Variants in CKM observed in about 807,000 individuals in gnomAD.
The protein encoded by CKM is creatine kinase M-type.
In CKM, 28 loss-of-function variants were observed where a neutral mutation model predicts 35.4. The observed-to-expected ratio is 0.79, with a 90% confidence interval of 0.59 to 1.08. The LOEUF (loss-of-function observed/expected upper bound fraction) is 1.08. Among genes scored for constraint, CKM ranks in the 50% least tolerant of loss-of-function variants. The pLI, the probability that CKM is intolerant of heterozygous loss-of-function variation, is 0.00. For missense variants in CKM, 484 were observed against 509.8 expected, an observed-to-expected ratio of 0.95 and a Z score of 0.49; for synonymous variants, 215 against 204.4, an observed-to-expected ratio of 1.05 and a Z score of -0.44.
chr19:45,318,886 G>A (rs1178165686), intron 2 of CKM, among the ~76,000 whole-genome samples: 1 of 150,222 alleles, frequency 6.7e-6, no homozygotes, highest in Non-Finnish European at 1.5e-5. Context: ...TTTGAGACAG[G>A]GTCTCACTCT....
At chr19:45,318,713 CAGGGGCCAGGAGAG>C (rs1197239918) in intron 2 of CKM, among the ~76,000 whole-genome samples, 1 of 152,092 alleles carries the variant, frequency 6.6e-6, no homozygotes, top group Non-Finnish European at 1.5e-5. Flanking sequence ...AGTGGAAAAA[CAGGGGCCAGGAGAG>C]AGGGGCTTCT....
At chr19:45,312,597 T>G (rs957605200) in intron 4 of CKM, among the ~76,000 whole-genome samples, 6 of 151,848 alleles carry the variant, frequency 4.0e-5, no homozygotes, top group African/African-American at 1.5e-4. Flanking sequence ...TAATTTTGTA[T>G]TTTTAGTAGA....
In CKM at chr19:45,317,882, G is replaced by A. The variant is rs749842509; in HGVS notation, c.291C>T (p.His97=). The change falls in exon 3 of 8, where the codon CAC becomes CAT. Residue 97 remains histidine, a synonymous_variant. Coordinates refer to ENST00000221476, the MANE Select transcript of CKM (RefSeq NM_001824.5). ...GCTTGTCAGTGGGTTTGTAGCCCCCGTGGCGATCCGAGATGATGGGGTCAA... is the reference window on the plus strand; with the variant it reads ...GCTTGTCAGTGGGTTTGTAGCCCCCATGGCGATCCGAGATGATGGGGTCAA... ...ELFDPIISDR[H]GGYKPTDKHK... 1.2e-5 allele frequency: 19 copies of A among 1,613,856 alleles called. 1 individual carries two copies. Among genetic ancestry groups the A allele is most frequent in the Middle Eastern group, 1.6e-4 (1 of 6,084 alleles).
At chr19:45,309,742 G>A (rs775085737) in intron 5 of CKM, among the ~76,000 whole-genome samples, 4 of 151,056 alleles carry the variant, frequency 2.6e-5, no homozygotes, top group East Asian at 2.0e-4. Flanking sequence ...CATGCCTGTC[G>A]TCCTAGCTAC....
At chr19:45,311,468 C>A (rs1971109099) in intron 5 of CKM, among the ~76,000 whole-genome samples, 1 of 151,996 alleles carries the variant, frequency 6.6e-6, no homozygotes, top group Non-Finnish European at 1.5e-5. Flanking sequence ...TCAAGTGATC[C>A]CCCCGCCTTG....
chr19:45,309,574 A>T (rs929396814), intron 5 of CKM, among the ~76,000 whole-genome samples: 72 of 142,798 alleles, frequency 5.0e-4, no homozygotes, highest in African/African-American at 1.7e-3. Flanking sequence ...AAAAAAAAAA[A>T]CCTGAGGGCA....
rs1188216871 is a variant in CKM at position 45,319,566 on chromosome 19, C to T, written c.148G>A (p.Gly50Ser). 16 of 1,614,016 alleles carry T rather than the reference C, an allele frequency of 9.9e-6. No homozygotes were observed. The highest frequency in any genetic ancestry group is 1.4e-5 in the Non-Finnish European group (16 of 1,180,036). ...KKLRDKETPS[G>S]FTVDDVIQTG... Reference sequence around the variant, plus strand: ...TGGATGACATCGTCTACAGTGAAGCCAGATGGAGTCTCCTTGTCCCGCAGC... The same window carrying T: ...TGGATGACATCGTCTACAGTGAAGCTAGATGGAGTCTCCTTGTCCCGCAGC... Residue 50 changes from glycine (G) to serine (S), a missense_variant, in exon 2 of 8, where the codon GGC becomes AGC. Gly to Ser is a moderately conservative substitution (Grantham distance 56). Coordinates refer to ENST00000221476, the MANE Select transcript of CKM (RefSeq NM_001824.5).
chr19:45,319,956 A>C (rs1971197900), intron 1 of CKM, among the ~76,000 whole-genome samples: 1 of 151,242 alleles, frequency 6.6e-6, no homozygotes, highest in Non-Finnish European at 1.5e-5. Context: ...ACGCCGGCTC[A>C]TTTTTTGTAT....
chr19:45,315,245 C>T (rs1332550013), intron 4 of CKM, among the ~76,000 whole-genome samples: 1 of 152,174 alleles, frequency 6.6e-6, no homozygotes, highest in South Asian at 2.1e-4. Context: ...CAGGTGTCTG[C>T]GTAGGTCTTC....
Position 45,307,528 on chromosome 19 carries a change from C to A in CKM, c.900G>T (p.Ala300=). 1 of 1,614,040 alleles carries A rather than the reference C, an allele frequency of 6.2e-7. No individual in the cohort carries two copies. ...GLRGGVHVKL[A]HLSKHPKFEE... ...CGAACTTGGGGTGCTTGCTCAGGTG[C>A]GCCAGCTTCACATGCACGCCTCCAC... Residue 300 remains alanine, a synonymous_variant, in exon 7 of 8, where the codon GCG becomes GCT. Transcript: ENST00000221476.
At chr19:45,318,296 A>G (rs934926866) in intron 2 of CKM, among the ~76,000 whole-genome samples, 1 of 151,884 alleles carries the variant, frequency 6.6e-6, no homozygotes, top group Non-Finnish European at 1.5e-5. Flanking sequence ...AATCCCAGCT[A>G]CTCAGGAGGC....
At chr19:45,314,417 A>C (rs998376247) in intron 4 of CKM, among the ~76,000 whole-genome samples, 3 of 152,034 alleles carry the variant, frequency 2.0e-5, no homozygotes, top group African/African-American at 7.2e-5. Flanking sequence ...TAGGATAAAC[A>C]TAACTTTTTT....
intron 4 of CKM, among the ~76,000 whole-genome samples, chr19:45,313,804 C>G (rs1297129701): frequency 2.6e-5 from 4 of 152,184 alleles, no homozygotes; most frequent in Non-Finnish European, 5.9e-5. Context: ...CAAGATTGCA[C>G]CACTGCACTC....
intron 5 of CKM, among the ~76,000 whole-genome samples, chr19:45,310,442 A>G (rs1235228327): frequency 1.3e-5 from 2 of 152,104 alleles, no homozygotes; most frequent in Non-Finnish European, 2.9e-5. Context: ...TTAATACTTT[A>G]CATAAATTAA....
chr19:45,320,337 T>G (rs1413386299), intron 1 of CKM, among the ~76,000 whole-genome samples: 1 of 151,988 alleles, frequency 6.6e-6, no homozygotes, highest in Non-Finnish European at 1.5e-5. Context: ...CCTCAAGTGA[T>G]CCACCCGCCT....
In CKM at chr19:45,308,522, T is replaced by C. The variant is rs1301639239; in HGVS notation, c.664A>G (p.Asn222Asp). 4.3e-6 allele frequency: 7 copies of C among 1,613,992 alleles called. No individual in the cohort carries two copies. The highest frequency in any genetic ancestry group is 5.9e-6 in the Non-Finnish European group (7 of 1,179,978). The stretch of plus-strand genomic sequence containing the variant: ...TTCACCCACACCAGGAAGCTCTTGT[T>C]GTCATTGTGCCTAGAGTAAGGTGCC... The part of the protein sequence containing the change: ...PDARGIWHND[N>D]KSFLVWVNEE... The change falls in exon 6 of 8, where the codon AAC becomes GAC. Residue 222 changes from asparagine to aspartate, a missense_variant. By Grantham distance (23) the Asn-to-Asp change is conservative. Transcript: ENST00000221476.
At chr19:45,319,331 G>A (rs975464358) in intron 2 of CKM, among the ~76,000 whole-genome samples, 190 bp downstream of exon 2, 5 of 152,166 alleles carry the variant, frequency 3.3e-5, no homozygotes, top group Admixed American at 6.5e-5. Context: ...TGTTTATTGC[G>A]TGGTTTGCTG....
chr19:45,309,448 G>A lies in CKM; in HGVS notation c.654-916C>T, dbSNP rs187472005. Reference sequence around the variant, plus strand: ...ACACATGCCTGTAGTCCAAGCCACTGGGGAGGCTGAGGCGGGAGGATCACT... The same window carrying A: ...ACACATGCCTGTAGTCCAAGCCACTAGGGAGGCTGAGGCGGGAGGATCACT... On this transcript the variant is annotated intron_variant, in intron 5 of 7. Coordinates refer to ENST00000221476, the MANE Select transcript of CKM (RefSeq NM_001824.5). Among the ~76,000 whole-genome samples the A allele has an allele frequency of 2.6e-3, 385 of 150,918 alleles. 6 individuals carry two copies. Among genetic ancestry groups the A allele is most frequent in the Admixed American group, 0.017 (257 of 15,142 alleles).
chr19:45,309,186 C>T (rs1268508194), intron 5 of CKM, among the ~76,000 whole-genome samples: 1 of 149,102 alleles, frequency 6.7e-6, no homozygotes, highest in Non-Finnish European at 1.5e-5. Context: ...CGAGATCGCG[C>T]CACTGCACTC....
Sources: allele counts gnomAD v4.1 joint callset (sites outside exome capture counted in the v4.1 genomes callset), GRCh38; gene constraint gnomAD v4.1.1; transcripts MANE v1.5; gene names NCBI Gene and HGNC (gene_info 2026-07-23, HGNC 2026-07-21).